RANBP17: variants seen among roughly 807,000 people sequenced by gnomAD.
RANBP17 encodes ran-binding protein 17.
RANBP17 carries 158 observed loss-of-function variants against 141.2 expected under a neutral mutation model. The ratio of observed to expected loss-of-function variants is 1.12; its 90% CI spans 0.98 to 1.28. RANBP17 has a LOEUF of 1.28. Ranked by LOEUF, RANBP17 falls within the 50% of genes most tolerant of loss-of-function variation. The pLI is 0.00. For missense variants in RANBP17, 1,438 were observed against 1,290.7 expected, an observed-to-expected ratio of 1.11 and a Z score of -1.75; for synonymous variants, 430 against 450.0, an observed-to-expected ratio of 0.96 and a Z score of 0.56.
chr5:171,009,909 G>T (rs548837198), intron 14 of RANBP17, among the ~76,000 whole-genome samples: 68 of 152,230 alleles, frequency 4.5e-4, no homozygotes, highest in Middle Eastern at 6.8e-3. Context: ...GAACCAAACT[G>T]GTTGAGGTCT....
intron 14 of RANBP17, among the ~76,000 whole-genome samples, chr5:171,098,388 C>T (rs1046623342): frequency 1.2e-4 from 18 of 152,036 alleles, no homozygotes; most frequent in Non-Finnish European, 1.9e-4. Flanking sequence ...TAATGACCAG[C>T]AATGATGAGC....
intron 5 of RANBP17, among the ~76,000 whole-genome samples, chr5:170,900,150 C>CT (rs1029844389): frequency 2.6e-4 from 39 of 150,694 alleles, no homozygotes; most frequent in Non-Finnish European, 1.5e-4. Context: ...TGGTCCAGGG[C>CT]TTTTTTTTTG....
At chr5:171,152,192 C>T (rs1229548612) in intron 14 of RANBP17, among the ~76,000 whole-genome samples, 1 of 151,576 alleles carries the variant, frequency 6.6e-6, no homozygotes, top group African/African-American at 2.4e-5. Context: ...GCAGGAGGAT[C>T]ACTTGAGGTC....
intron 12 of RANBP17, among the ~76,000 whole-genome samples, chr5:170,926,950 C>CT (rs1772977846): frequency 6.6e-6 from 1 of 152,118 alleles, no homozygotes; most frequent in Middle Eastern, 3.4e-3. Context: ...AGAGAGAACT[C>CT]TTATTTTTTG....
intron 14 of RANBP17, among the ~76,000 whole-genome samples, chr5:171,156,708 G>GCC (rs1758926928): frequency 6.6e-6 from 1 of 152,088 alleles, no homozygotes; most frequent in Non-Finnish European, 1.5e-5. Flanking sequence ...TTATTGCCTT[G>GCC]CCGCACTGCA....
intron 14 of RANBP17, among the ~76,000 whole-genome samples, chr5:171,067,338 C>A (rs1784370722): frequency 6.6e-6 from 1 of 152,118 alleles, no homozygotes; most frequent in Middle Eastern, 3.2e-3. Flanking sequence ...CATCTGTATA[C>A]ATTGTGTTCT....
At position 171,088,671 on chromosome 5, in the gene RANBP17, C is replaced by CT. The variant is rs779350795; in HGVS notation, c.1711-81453dup. On this transcript the variant is annotated intron_variant, in intron 14 of 27. Transcript: ENST00000523189. Reference sequence around the variant, plus strand: ...GAGGCTTTGCTCCTTTCTTTTTATTCTTTTTTCTCTAAACTTCCCTTCTCG... The same window carrying CT: ...GAGGCTTTGCTCCTTTCTTTTTATTCTTTTTTTCTCTAAACTTCCCTTCTCG... Among the ~76,000 whole-genome samples the CT allele has an allele frequency of 5.8e-3, 876 of 150,888 alleles. 7 individuals are homozygous for CT. Among genetic ancestry groups the CT allele is most frequent in the Non-Finnish European group, 0.01 (680 of 67,626 alleles).
At position 171,242,704 on chromosome 5, in the gene RANBP17, CTTA is replaced by C; in HGVS notation, c.2665_2667del (p.Tyr889del). On this transcript the variant is annotated inframe_deletion, in exon 24 of 28. Coordinates refer to ENST00000523189, the MANE Select transcript of RANBP17 (RefSeq NM_022897.5). ...TAGCAATACCGGAAACTGAGCCAGT[CTTA>C]TTATCCACTCCTGGAATGTCTCACT... 6.2e-7 allele frequency: 1 copy of C among 1,613,700 alleles called. No homozygotes were observed. Among genetic ancestry groups the C allele is most frequent in the Non-Finnish European group, 8.5e-7 (1 of 1,179,870 alleles).
At chr5:171,074,973 A>C (rs550565724) in intron 14 of RANBP17, among the ~76,000 whole-genome samples, 4 of 152,166 alleles carry the variant, frequency 2.6e-5, no homozygotes, top group Non-Finnish European at 5.9e-5. Flanking sequence ...ATGTTTACCC[A>C]CTTTGCAGAT....
At chr5:170,893,645 T>C (rs376583042) in intron 4 of RANBP17, among the ~76,000 whole-genome samples, 35 of 151,488 alleles carry the variant, frequency 2.3e-4, no homozygotes, top group African/African-American at 8.2e-4. Flanking sequence ...CACAAAAAAT[T>C]AGCTGGGCGT....
intron 14 of RANBP17, among the ~76,000 whole-genome samples, chr5:171,119,483 G>A (rs1755868622): frequency 1.3e-5 from 2 of 152,244 alleles, no homozygotes; most frequent in South Asian, 4.2e-4. Flanking sequence ...AAGCAGTGAA[G>A]CCATCTGCTC....
At chr5:171,268,058 C>G (rs1326475822) in intron 25 of RANBP17, among the ~76,000 whole-genome samples, 1 of 152,112 alleles carries the variant, frequency 6.6e-6, no homozygotes, top group Non-Finnish European at 1.5e-5. Context: ...GGAACTGTTA[C>G]AACATGTTGG....
At chr5:171,087,293 C>G (rs1265401973) in intron 14 of RANBP17, among the ~76,000 whole-genome samples, 1 of 151,994 alleles carries the variant, frequency 6.6e-6, no homozygotes, top group Non-Finnish European at 1.5e-5. Flanking sequence ...ATTCTTAATC[C>G]TGAGTTCTAG....
chr5:171,030,960 CCTT>C (rs1277860662), intron 14 of RANBP17, among the ~76,000 whole-genome samples: 2 of 151,888 alleles, frequency 1.3e-5, no homozygotes, highest in South Asian at 2.1e-4. Flanking sequence ...CTACTTTTAT[CCTT>C]CTTGTATGTT....
intron 1 of RANBP17, among the ~76,000 whole-genome samples, chr5:170,874,603 C>G (rs1270981789): frequency 6.7e-6 from 1 of 150,294 alleles, no homozygotes; most frequent in African/African-American, 2.4e-5. Context: ...CTTTTTTGAT[C>G]TTTGTTGGTT....
In RANBP17 at chr5:170,894,484, TTTTATATATA is replaced by T. The variant is rs1561863538; in HGVS notation, c.424-1564_424-1555del. Among the ~76,000 whole-genome samples the T allele has an allele frequency of 4.1e-3, 66 of 16,060 alleles. 6 individuals carry two copies. In the South Asian group the frequency reaches 0.26, roughly 64 times the overall value. The allele number at this position is 16,060 out of a possible 152,430, so 10.5% of individuals were successfully genotyped here. A position where few individuals can be genotyped will look rare whatever the true frequency, so the allele number is the denominator to read the frequency against. On this transcript the variant is annotated intron_variant, in intron 4 of 27. Transcript: ENST00000523189. ...CACCATAGAATAGTTAGTACGTGTTTTTTATATATATATATATATATATGGCTTGACCTAA... is the reference window on the plus strand; with the variant it reads ...CACCATAGAATAGTTAGTACGTGTTTTATATATATATATGGCTTGACCTAA...
intron 14 of RANBP17, among the ~76,000 whole-genome samples, chr5:171,124,097 G>A (rs1367249601): frequency 6.6e-6 from 1 of 151,722 alleles, no homozygotes; most frequent in Non-Finnish European, 1.5e-5. Context: ...AGAAAACACA[G>A]GTAAACAATA....
intron 12 of RANBP17, among the ~76,000 whole-genome samples, chr5:170,940,207 C>A (rs960642137): frequency 6.6e-6 from 1 of 152,086 alleles, no homozygotes; most frequent in East Asian, 1.9e-4. Context: ...ATGTGCTATG[C>A]AAATATGAAC....
At chr5:171,185,269 G>A (rs948348946) in intron 18 of RANBP17, among the ~76,000 whole-genome samples, 5 of 152,176 alleles carry the variant, frequency 3.3e-5, no homozygotes, top group East Asian at 1.9e-4. Flanking sequence ...GTCTGGCCTC[G>A]ATATTGATGG....
Sources: gnomAD v4.1 joint callset for allele counts (sites outside exome capture counted in the v4.1 genomes callset) on GRCh38, gnomAD v4.1.1 for gene constraint, MANE v1.5 for transcripts, NCBI Gene and HGNC (gene_info 2026-07-23, HGNC 2026-07-21) for gene names.